IMMP1L: variants seen among roughly 807,000 people sequenced by gnomAD.
IMMP1L encodes the protein mitochondrial inner membrane protease subunit 1.
Under a neutral mutation model 21.8 loss-of-function variants are expected in IMMP1L, and 24 were observed. The observed-to-expected ratio is 1.10, with a 90% CI of 0.80 to 1.55. The LOEUF (loss-of-function observed/expected upper bound fraction) is 1.55. Ranked by LOEUF, IMMP1L falls within the 40% of genes most tolerant of loss-of-function variation. IMMP1L has a pLI of 0.00. For synonymous variants in IMMP1L, 46 were observed against 62.8 expected (o/e 0.73, Z 1.26); for missense variants, 195 against 200.7 (o/e 0.97, Z 0.17).
chr11:31,453,256 A>G, intron 4 of IMMP1L, among the ~76,000 whole-genome samples: 1 of 152,228 alleles, frequency 6.6e-6, no homozygotes, highest in East Asian at 1.9e-4. Flanking sequence ...CTTTTCTGCC[A>G]ACCTACAAAC....
intron 4 of IMMP1L, among the ~76,000 whole-genome samples, chr11:31,440,099 C>G (rs1223081): frequency 0.088 from 13,423 of 152,176 alleles, 1,629 homozygotes; most frequent in African/African-American, 0.27. Flanking sequence ...TTAAGCATAC[C>G]TGTACCCTAA....
chr11:31,488,724 T>C (rs1399457266), intron 1 of IMMP1L, among the ~76,000 whole-genome samples: 4 of 152,076 alleles, frequency 2.6e-5, no homozygotes, highest in Non-Finnish European at 5.9e-5. Flanking sequence ...ATAAGGAATG[T>C]GTGTGATACT....
chr11:31,497,548 G>T (rs1454433142), intron 1 of IMMP1L, among the ~76,000 whole-genome samples: 1 of 146,780 alleles, frequency 6.8e-6, no homozygotes, highest in African/African-American at 2.5e-5. Context: ...CGCAACCTCC[G>T]CCTCCTGGGT....
At chr11:31,450,431 T>C (rs902823807) in intron 4 of IMMP1L, among the ~76,000 whole-genome samples, 3 of 152,210 alleles carry the variant, frequency 2.0e-5, no homozygotes, top group Admixed American at 6.5e-5. Context: ...CAGTATTCCA[T>C]AGTGATAAGT....
intron 4 of IMMP1L, among the ~76,000 whole-genome samples, chr11:31,444,042 T>C (rs1270908109): frequency 1.3e-5 from 2 of 152,208 alleles, no homozygotes; most frequent in Admixed American, 6.5e-5. Flanking sequence ...CTAGCCTGAA[T>C]AGTAACCTCT....
At chr11:31,456,129 C>T (rs1953927996) in intron 4 of IMMP1L, 131 bp downstream of exon 4, 1 of 563,098 alleles carries the variant, frequency 1.8e-6, no homozygotes, top group South Asian at 3.6e-5. Flanking sequence ...TTGATATAAA[C>T]ATTTAAATTC....
intron 4 of IMMP1L, chr11:31,452,971 C>CA (rs1953807849): frequency 1.1e-6 from 1 of 895,954 alleles, no homozygotes; most frequent in African/African-American, 1.8e-5. Flanking sequence ...AGGCTGGTCT[C>CA]AAACTCTTGA....
chr11:31,509,031 T>C (rs1453544792), intron 1 of IMMP1L, among the ~76,000 whole-genome samples: 1 of 152,216 alleles, frequency 6.6e-6, no homozygotes, highest in East Asian at 1.9e-4. Flanking sequence ...AACAAGGTTG[T>C]CAGAGTAACA....
Position 31,463,824 on chromosome 11 carries a change from T to C in IMMP1L, c.-29-519A>G, listed in dbSNP as rs1954237321. On this transcript the variant is annotated intron_variant, in intron 1 of 5. Transcript: ENST00000532287. The stretch of plus-strand genomic sequence containing the variant: ...TAGAAATACTCTCATAGAATGATTA[T>C]TAGAATCAAATTCAGCAATGTATGT... 2.0e-5 allele frequency among the ~76,000 whole-genome samples: 3 copies of C among 152,146 alleles called. 1 individual carries two copies. In the South Asian group the frequency reaches 6.2e-4, roughly 31 times the overall value.
intron 4 of IMMP1L, chr11:31,449,091 T>C (rs965724180): frequency 2.1e-5 from 21 of 985,214 alleles, no homozygotes; most frequent in Admixed American, 1.2e-4. Flanking sequence ...ATCACTATAG[T>C]CTGCAAAAAA....
At chr11:31,478,924 C>T (rs1954805155) in intron 1 of IMMP1L, among the ~76,000 whole-genome samples, 1 of 151,928 alleles carries the variant, frequency 6.6e-6, no homozygotes, top group South Asian at 2.1e-4. Context: ...AGAAATCTCT[C>T]CTCACATTTA....
At chr11:31,435,015 G>A (rs1953072249) in intron 4 of IMMP1L, among the ~76,000 whole-genome samples, 1 of 152,152 alleles carries the variant, frequency 6.6e-6, no homozygotes, top group African/African-American at 2.4e-5. Context: ...ACATTCTGAA[G>A]TGTTATTTGA....
chr11:31,488,055 GCATT>G (rs1298407654), intron 1 of IMMP1L: 2 of 152,040 alleles, frequency 1.3e-5, no homozygotes, highest in Non-Finnish European at 2.9e-5. Flanking sequence ...GCAGGGAGCA[GCATT>G]ACAACAGTCA....
At chr11:31,438,698 A>G (rs1334663015) in intron 4 of IMMP1L, among the ~76,000 whole-genome samples, 11 of 152,070 alleles carry the variant, frequency 7.2e-5, no homozygotes, top group Admixed American at 6.6e-4. Context: ...TATTTGTTGC[A>G]TCTGTTTTTG....
intron 4 of IMMP1L, among the ~76,000 whole-genome samples, chr11:31,439,283 C>G (rs1226830403): frequency 6.6e-6 from 1 of 151,148 alleles, no homozygotes; most frequent in Non-Finnish European, 1.5e-5. Context: ...ATTTTTTTTT[C>G]TTCCAGACTT....
chr11:31,469,019 A>G (rs1487974584), intron 1 of IMMP1L, among the ~76,000 whole-genome samples: 4 of 152,140 alleles, frequency 2.6e-5, no homozygotes, highest in African/African-American at 9.7e-5. Flanking sequence ...TATGAATCTC[A>G]CTGTGGCTTT....
chr11:31,440,779 G>T (rs1320898986), intron 4 of IMMP1L, among the ~76,000 whole-genome samples: 1 of 152,076 alleles, frequency 6.6e-6, no homozygotes, highest in Non-Finnish European at 1.5e-5. Context: ...GTGTGCTTTG[G>T]CATCTCCATC....
At chr11:31,466,300 G>T (rs1014176077) in intron 1 of IMMP1L, among the ~76,000 whole-genome samples, 1 of 152,024 alleles carries the variant, frequency 6.6e-6, no homozygotes, top group African/African-American at 2.4e-5. Flanking sequence ...CATATACCCT[G>T]TTAGTGGGAA....
chr11:31,480,636 A>C (rs962688179), intron 1 of IMMP1L, among the ~76,000 whole-genome samples: 3 of 152,108 alleles, frequency 2.0e-5, no homozygotes, highest in Non-Finnish European at 4.4e-5. Flanking sequence ...GTATCAATAA[A>C]TAAGATGAAT....
Sources: allele counts gnomAD v4.1 joint callset (sites outside exome capture counted in the v4.1 genomes callset), GRCh38; gene constraint gnomAD v4.1.1; transcripts MANE v1.5; gene names NCBI Gene and HGNC (gene_info 2026-07-23, HGNC 2026-07-21).